The following TYW1B variants were observed in gnomAD, a reference collection of about 807,000 sequenced individuals.
TYW1B encodes S-adenosyl-L-methionine-dependent tRNA 4-demethylwyosine synthase TYW1B.
Under a neutral mutation model 86.9 loss-of-function variants are expected in TYW1B, and 73 were observed. The observed-to-expected ratio is 0.84, with a 90% CI of 0.70 to 1.02. TYW1B has a LOEUF of 1.02. TYW1B is among the 50% of genes least tolerant of loss of function. The pLI, the probability that TYW1B is intolerant of heterozygous loss-of-function variation, is 0.00. For missense variants in TYW1B, 637 were observed against 827.4 expected (o/e 0.77, Z 2.82); for synonymous variants, 248 against 292.8 (o/e 0.85, Z 1.56).
intron 6 of TYW1B, among the ~76,000 whole-genome samples, chr7:72,792,628 G>A (rs781907623): frequency 1.8e-4 from 28 of 152,052 alleles, no homozygotes; most frequent in Admixed American, 1.1e-3. Context: ...TCAATTTTAG[G>A]AATTTATTCT....
intron 11 of TYW1B, among the ~76,000 whole-genome samples, chr7:72,634,017 TAG>T (rs1812606931): frequency 6.6e-6 from 1 of 152,172 alleles, no homozygotes; most frequent in Admixed American, 6.6e-5. Context: ...AGTGGCCCAG[TAG>T]AGTGCATGGT....
intron 13 of TYW1B, among the ~76,000 whole-genome samples, chr7:72,604,644 C>T (rs1159131061): frequency 6.6e-6 from 1 of 152,062 alleles, no homozygotes; most frequent in African/African-American, 2.4e-5. Context: ...ATTATCAAAG[C>T]TTGTTGGATT....
intron 11 of TYW1B, among the ~76,000 whole-genome samples, chr7:72,648,261 T>C (rs1212119609): frequency 1.1e-4 from 16 of 152,144 alleles, no homozygotes; most frequent in African/African-American, 3.6e-4. Flanking sequence ...TCCCCTGCTC[T>C]GCCAGGCGTG....
chr7:72,723,418 T>C (rs1786941175), intron 9 of TYW1B, among the ~76,000 whole-genome samples: 1 of 152,062 alleles, frequency 6.6e-6, no homozygotes, highest in African/African-American at 2.4e-5. Context: ...AATCTGTTCG[T>C]AAGCATTTCT....
intron 11 of TYW1B, among the ~76,000 whole-genome samples, chr7:72,681,469 G>A (rs1813873096): frequency 6.6e-6 from 1 of 152,116 alleles, no homozygotes. Context: ...CAGACTGTGG[G>A]AGGGGAGGGA....
chr7:72,766,629 A>C (rs1787775198), intron 7 of TYW1B, among the ~76,000 whole-genome samples: 1 of 141,772 alleles, frequency 7.1e-6, no homozygotes, highest in Non-Finnish European at 1.5e-5. Flanking sequence ...AAAAAAAAAA[A>C]AAAACATAAC....
At chr7:72,665,467 C>T (rs1211382813) in intron 11 of TYW1B, among the ~76,000 whole-genome samples, 1 of 152,198 alleles carries the variant, frequency 6.6e-6, no homozygotes, top group Non-Finnish European at 1.5e-5. Flanking sequence ...AACCCACCAT[C>T]TGGGGATGTT....
intron 13 of TYW1B, among the ~76,000 whole-genome samples, chr7:72,603,257 T>C (rs1811715912): frequency 6.6e-6 from 1 of 150,640 alleles, no homozygotes; most frequent in African/African-American, 2.4e-5. Context: ...GATGGATGGA[T>C]GGATGGATGG....
chr7:72,660,357 G>A (rs1369620434), intron 11 of TYW1B, among the ~76,000 whole-genome samples: 1 of 152,048 alleles, frequency 6.6e-6, no homozygotes, highest in African/African-American at 2.4e-5. Flanking sequence ...CTGGTCAAAA[G>A]AGCAAGTCCC....
chr7:72,714,461 T>TAA (rs558170964), intron 9 of TYW1B, among the ~76,000 whole-genome samples: 42 of 143,140 alleles, frequency 2.9e-4, no homozygotes, highest in Middle Eastern at 3.6e-3. Flanking sequence ...TACTAAAAAT[T>TAA]AAAAAAAAAA....
At chr7:72,584,818 C>A (rs1295053757) in intron 13 of TYW1B, among the ~76,000 whole-genome samples, 1 of 152,186 alleles carries the variant, frequency 6.6e-6, no homozygotes, top group Admixed American at 6.5e-5. Context: ...AATGAGTGCA[C>A]TAAAAAGCCT....
intron 13 of TYW1B, among the ~76,000 whole-genome samples, chr7:72,597,362 G>C (rs1811560712): frequency 6.6e-6 from 1 of 151,712 alleles, no homozygotes; most frequent in Non-Finnish European, 1.5e-5. Flanking sequence ...TGTTAGCTTA[G>C]AAAAAAAGAG....
At chr7:72,786,573 CTTTTTTTTTTTTT>C (rs10630508) in intron 6 of TYW1B, among the ~76,000 whole-genome samples, 1 of 107,460 alleles carries the variant, frequency 9.3e-6, no homozygotes, top group African/African-American at 3.3e-5. Context: ...ATTCTTTTTT[CTTTTTTTTTTTTT>C]TTTTTTTGAG....
At chr7:72,718,697 T>C (rs1786836383) in intron 9 of TYW1B, among the ~76,000 whole-genome samples, 1 of 152,248 alleles carries the variant, frequency 6.6e-6, no homozygotes, top group Non-Finnish European at 1.5e-5. Context: ...AAATAAAATT[T>C]GATCCTTAAG....
chr7:72,629,316 CAA>C (rs1812428157), intron 11 of TYW1B, among the ~76,000 whole-genome samples: 1 of 152,146 alleles, frequency 6.6e-6, no homozygotes, highest in Non-Finnish European at 1.5e-5. Context: ...ATAAACTGAC[CAA>C]ACAGTGTTAG....
At chr7:72,630,302 T>C (rs1812451421) in intron 11 of TYW1B, among the ~76,000 whole-genome samples, 1 of 151,956 alleles carries the variant, frequency 6.6e-6, no homozygotes, top group Admixed American at 6.6e-5. Context: ...ATAAGAAGAA[T>C]GGCTTAAAAT....
At chr7:72,766,057 T>C (rs1393474811) in intron 7 of TYW1B, among the ~76,000 whole-genome samples, 1 of 152,170 alleles carries the variant, frequency 6.6e-6, no homozygotes, top group Non-Finnish European at 1.5e-5. Flanking sequence ...ACTTAAGAAA[T>C]ACTTTTGTAT....
rs548852621 is a variant in TYW1B, at chr7:72,720,832, T to C, written c.1193-7034A>G. 4.6e-5 allele frequency among the ~76,000 whole-genome samples: 7 copies of C among 152,270 alleles called. No homozygotes were observed. In the South Asian group the frequency reaches 1.4e-3, roughly 32 times the overall value. On this transcript the variant is annotated intron_variant, in intron 9 of 13. Coordinates refer to ENST00000620995, the MANE Select transcript of TYW1B (RefSeq NM_001145440.3). The stretch of plus-strand genomic sequence containing the variant: ...GTTACATATGTAAACATGTGCCATG[T>C]TGGCGTGCTGCACCCGTTAACTCGT...
intron 11 of TYW1B, among the ~76,000 whole-genome samples, chr7:72,641,248 G>C (rs538451362): frequency 6.6e-6 from 1 of 152,172 alleles, no homozygotes; most frequent in East Asian, 1.9e-4. Context: ...CAAGTCAAGA[G>C]ATTGAACAAT....
Sources: gnomAD v4.1 joint callset for allele counts (sites outside exome capture counted in the v4.1 genomes callset) on GRCh38, gnomAD v4.1.1 for gene constraint, MANE v1.5 for transcripts, NCBI Gene and HGNC (gene_info 2026-07-23, HGNC 2026-07-21) for gene names.